Variants in DIAPH3 observed in about 807,000 individuals in gnomAD.
DIAPH3 encodes protein diaphanous homolog 3.
A neutral mutation model predicts 144.3 loss-of-function variants in DIAPH3; 117 were observed. The ratio of observed to expected loss-of-function variants is 0.81; its 90% CI spans 0.70 to 0.95. The LOEUF (loss-of-function observed/expected upper bound fraction) is 0.95, where lower values mean the gene tolerates loss of function less well. Among genes scored for constraint, DIAPH3 ranks in the 40% least tolerant of loss-of-function variants. The probability of loss-of-function intolerance (pLI) is 0.00; values close to 1 mark genes in which losing one functional copy is unlikely to be tolerated. For synonymous variants in DIAPH3, 519 were observed against 488.9 expected, an observed-to-expected ratio of 1.06 and a Z score of -0.81; for missense variants, 1,421 against 1,412.7, an observed-to-expected ratio of 1.01 and a Z score of -0.09.
chr13:59,980,340 T>A (rs942332695), intron 14 of DIAPH3, among the ~76,000 whole-genome samples: 8 of 151,614 alleles, frequency 5.3e-5, no homozygotes, highest in African/African-American at 1.9e-4. Flanking sequence ...GGGCTTAATA[T>A]CATTTCTTGA....
chr13:59,694,053 C>T (rs1027544598), intron 27 of DIAPH3, among the ~76,000 whole-genome samples: 9 of 152,090 alleles, frequency 5.9e-5, no homozygotes, highest in Admixed American at 5.9e-4. Flanking sequence ...CCAAATACTC[C>T]ACTTTCAATT....
intron 22 of DIAPH3, among the ~76,000 whole-genome samples, chr13:59,841,330 T>C (rs2042329139): frequency 6.6e-6 from 1 of 151,954 alleles, no homozygotes; most frequent in Admixed American, 6.6e-5. Flanking sequence ...GTGATGCACA[T>C]CTGTAATCCT....
chr13:60,040,721 C>G (rs558212613), intron 5 of DIAPH3, among the ~76,000 whole-genome samples: 1 of 152,254 alleles, frequency 6.6e-6, no homozygotes, highest in African/African-American at 2.4e-5. Context: ...CCCCAGTCAA[C>G]ACCCCCAATA....
In DIAPH3 at chr13:59,992,547, A is replaced by T; in HGVS notation, c.1051T>A (p.Ser351Thr). 6.2e-7 allele frequency: 1 copy of T among 1,612,258 alleles called. No homozygotes were observed. The highest frequency in any genetic ancestry group is 2.2e-5 in the East Asian group (1 of 44,700). Residue 351 changes from serine to threonine, a missense_variant, in exon 10 of 28, where the codon TCT becomes ACT. By Grantham distance (58) the Ser-to-Thr change is moderately conservative (BLOSUM62 1). Transcript: ENST00000400324. ...CMQLINALVT[S>T]PDDLDFRLHI... ...AGCCTGAAATCCAAATCATCAGGAG[A>T]TGTAACCAGGGCATTGATGAGCTGC...
intron 24 of DIAPH3, among the ~76,000 whole-genome samples, chr13:59,827,603 A>C (rs1459193046): frequency 6.6e-6 from 1 of 152,048 alleles, no homozygotes; most frequent in African/African-American, 2.4e-5. Context: ...AGAGAATAGT[A>C]AAAGAACTTT....
At chr13:60,162,717 C>A (rs1304649041) in intron 1 of DIAPH3, among the ~76,000 whole-genome samples, 1 of 151,730 alleles carries the variant, frequency 6.6e-6, no homozygotes, top group South Asian at 2.1e-4. Context: ...CCATTATTCC[C>A]TTAATTTGTG....
intron 5 of DIAPH3, among the ~76,000 whole-genome samples, chr13:60,020,044 T>C (rs1218076295): frequency 6.6e-6 from 1 of 152,194 alleles, no homozygotes; most frequent in Non-Finnish European, 1.5e-5. Flanking sequence ...ACATACCAGA[T>C]CATAAGAGCA....
intron 20 of DIAPH3, among the ~76,000 whole-genome samples, chr13:59,909,911 T>C (rs78567281): frequency 2.6e-5 from 4 of 152,316 alleles, no homozygotes; most frequent in African/African-American, 7.2e-5. Flanking sequence ...TCAAAGCTCT[T>C]TGATGTGAAT....
In DIAPH3 at chr13:59,666,773, T is replaced by C; in HGVS notation, c.3393A>G (p.Pro1131=). Reference sequence around the variant, plus strand: ...GATTATAATTAAGCTCCTTGGCGACTGGAGTCCTTGTTGAGTTGCAATTGA... The same window carrying C: ...GATTATAATTAAGCTCCTTGGCGACCGGAGTCCTTGTTGAGTTGCAATTGA... The part of the protein sequence containing the change: ...YNINCNSTRT[P]VAKELNYNLD... Residue 1131 remains proline, a synonymous_variant, in exon 28 of 28, where the codon CCA becomes CCG. Transcript: ENST00000400324. 1 of 1,614,188 alleles carries C rather than the reference T, an allele frequency of 6.2e-7. No homozygotes were observed. Among genetic ancestry groups the C allele is most frequent in the South Asian group, 1.1e-5 (1 of 91,082 alleles).
intron 21 of DIAPH3, among the ~76,000 whole-genome samples, chr13:59,873,057 T>A (rs1003271208): frequency 6.6e-6 from 1 of 152,248 alleles, no homozygotes; most frequent in Non-Finnish European, 1.5e-5. Context: ...TTAGAAAATG[T>A]CATAGATTAA....
At chr13:60,064,786 T>G (rs954453496) in intron 4 of DIAPH3, among the ~76,000 whole-genome samples, 7 of 152,222 alleles carry the variant, frequency 4.6e-5, no homozygotes, top group South Asian at 4.1e-4. Flanking sequence ...TTTTGGCCTA[T>G]CTCAGCGAGT....
chr13:60,057,118 T>C (rs1157690735), intron 4 of DIAPH3, among the ~76,000 whole-genome samples: 2 of 151,878 alleles, frequency 1.3e-5, no homozygotes, highest in Non-Finnish European at 2.9e-5. Flanking sequence ...TATCTCCGTT[T>C]GTTGATGATG....
chr13:59,851,785 G>GT (rs995777813), intron 22 of DIAPH3, among the ~76,000 whole-genome samples: 47 of 152,040 alleles, frequency 3.1e-4, no homozygotes, highest in African/African-American at 4.6e-4. Context: ...ACCACGCCCA[G>GT]TTTTTTGTAT....
chr13:59,809,458 C>T (rs1218794370), intron 25 of DIAPH3, among the ~76,000 whole-genome samples: 9 of 149,964 alleles, frequency 6.0e-5, no homozygotes, highest in African/African-American at 9.8e-5. Context: ...GCCGAGATCG[C>T]GCCATTGCAC....
intron 27 of DIAPH3, among the ~76,000 whole-genome samples, chr13:59,726,473 T>A (rs2035606380): frequency 1.3e-5 from 2 of 152,228 alleles, no homozygotes; most frequent in South Asian, 4.1e-4. Flanking sequence ...TTTCCTATCC[T>A]ATGTTCCATA....
At chr13:59,801,471 C>T (rs2139476766) in intron 25 of DIAPH3, among the ~76,000 whole-genome samples, 1 of 152,288 alleles carries the variant, frequency 6.6e-6, no homozygotes, top group African/African-American at 2.4e-5. Flanking sequence ...CTGAATAGCA[C>T]TAATAGTTTA....
rs1169470504 is a variant in DIAPH3, at chr13:59,812,254, ATCC to A, written c.3028-1334_3028-1332del. 9.9e-4 allele frequency among the ~76,000 whole-genome samples: 7 copies of A among 7,072 alleles called. No individual in the cohort carries two copies. The Admixed American group carries it at 0.026, about 27-fold the overall frequency. 4.6% of individuals were successfully genotyped at this position (7,072 alleles called of 152,430 possible). On this transcript the variant is annotated intron_variant, in intron 24 of 27. Transcript: ENST00000400324. Reference sequence around the variant, plus strand: ...CAGTAACTCATGCATGCATGCATCCATCCATCCATCCATCCATCCATCCATCCA... The same window carrying A: ...CAGTAACTCATGCATGCATGCATCCAATCCATCCATCCATCCATCCATCCA...
chr13:59,758,838 G>T (rs2037420075), intron 27 of DIAPH3, among the ~76,000 whole-genome samples: 1 of 151,040 alleles, frequency 6.6e-6, no homozygotes, highest in South Asian at 2.1e-4. Context: ...GTAGTGCAAT[G>T]GTGGGATCAT....
In DIAPH3 at chr13:59,736,508, G is replaced by A. The variant is rs149733120; in HGVS notation, c.3319+37681C>T. Among the ~76,000 whole-genome samples the A allele has an allele frequency of 2.7e-3, 406 of 152,164 alleles. 3 individuals are homozygous for A. The highest frequency in any genetic ancestry group is 9.3e-3 in the African/African-American group (386 of 41,498). On this transcript the variant is annotated intron_variant, in intron 27 of 27. Transcript: ENST00000400324. ...GACTGGCGTGAGGTAGTACCTCACT[G>A]TCGTTTTGAGACTTACATGTTCGTT...
Sources: gnomAD v4.1 joint callset for allele counts (sites outside exome capture counted in the v4.1 genomes callset) on GRCh38, gnomAD v4.1.1 for gene constraint, MANE v1.5 for transcripts, NCBI Gene and HGNC (gene_info 2026-07-23, HGNC 2026-07-21) for gene names.